Variants in MFAP1 observed in about 807,000 individuals in gnomAD.
MFAP1 encodes microfibrillar-associated protein 1.
Under a neutral mutation model 62.2 loss-of-function variants are expected in MFAP1, and 18 were observed. The ratio of observed to expected loss-of-function variants is 0.29; its 90% CI spans 0.20 to 0.43. The LOEUF is 0.43. MFAP1 is among the 20% of genes least tolerant of loss of function. The pLI is 1.00. For synonymous variants in MFAP1, 175 were observed against 180.4 expected (o/e 0.97, Z 0.24); for missense variants, 355 against 559.7 (o/e 0.63, Z 3.69).
chr15:43,824,549 G>T lies in MFAP1; in HGVS notation c.21C>A (p.Leu7=). Residue 7 remains leucine (L), a synonymous_variant, in exon 1 of 9, where the codon CTC becomes CTA. Transcript: ENST00000267812. ...TAGACTGAATGGGCGGTTGCTTCAT[G>T]AGAGCGCTTGGGACCGACATGTTGA... MSVPSA[L]MKQPPIQSTA... The T allele has an allele frequency of 6.2e-7, 1 of 1,614,216 alleles. No homozygotes were observed. Among genetic ancestry groups the T allele is most frequent in the Non-Finnish European group, 8.5e-7 (1 of 1,180,046 alleles).
At chr15:43,805,322 C>T (rs1161616141) in intron 8 of MFAP1, 46 bp from the exon 9 acceptor site, 4 of 1,600,728 alleles carry the variant, frequency 2.5e-6, no homozygotes, top group Non-Finnish European at 2.6e-6. Context: ...ACAAACCATG[C>T]CTCAGCTATC....
chr15:43,822,625 C>T (rs907300980), intron 1 of MFAP1, among the ~76,000 whole-genome samples: 3 of 152,096 alleles, frequency 2.0e-5, no homozygotes, highest in South Asian at 2.1e-4. Flanking sequence ...CCACCCATCT[C>T]GGCCTCCCAA....
At chr15:43,820,298 C>G (rs1289866726) in intron 1 of MFAP1, among the ~76,000 whole-genome samples, 1 of 152,122 alleles carries the variant, frequency 6.6e-6, no homozygotes, top group Non-Finnish European at 1.5e-5. Context: ...GCCTAGGCGA[C>G]AGGGTAAGAC....
rs2087488576 is a variant in MFAP1 at position 43,824,681 on chromosome 15, C to A, written c.-112G>T. ...CCACCTGAGTCCGCGAACACAGCTG[C>A]GCGACTGATAGAGAAACTACTTACG... On this transcript the variant is annotated 5_prime_UTR_variant, in exon 1 of 9. Coordinates refer to ENST00000267812, the MANE Select transcript of MFAP1 (RefSeq NM_005926.3). The A allele has an allele frequency of 1.7e-5, 18 of 1,056,188 alleles. No homozygotes were observed. In the South Asian group the frequency reaches 2.1e-4, roughly 12 times the overall value. 65.4% of individuals were successfully genotyped at this position (1,056,188 alleles called of 1,614,324 possible). A position where few individuals can be genotyped will look rare whatever the true frequency, so the allele number is the denominator to read the frequency against.
intron 1 of MFAP1, among the ~76,000 whole-genome samples, chr15:43,817,743 C>T (rs2087442971): frequency 1.3e-5 from 2 of 152,186 alleles, no homozygotes; most frequent in South Asian, 4.1e-4. Flanking sequence ...CCCAAAAAGG[C>T]AGACTGCATC....
intron 2 of MFAP1, among the ~76,000 whole-genome samples, chr15:43,815,398 G>A (rs1192655734): frequency 6.6e-6 from 1 of 151,990 alleles, no homozygotes; most frequent in Non-Finnish European, 1.5e-5. Context: ...GGCTGGTCTT[G>A]AACTCCTGGA....
At chr15:43,805,945 CCTTT>C (rs1326256756) in intron 7 of MFAP1, among the ~76,000 whole-genome samples, 12 of 148,176 alleles carry the variant, frequency 8.1e-5, no homozygotes, top group Non-Finnish European at 1.5e-4. Flanking sequence ...TTGTATTTCT[CCTTT>C]TTTTTTTTTT....
intron 2 of MFAP1, 39 bp downstream of exon 2, chr15:43,817,190 A>T (rs1298728913): frequency 1.2e-5 from 18 of 1,554,908 alleles, no homozygotes; most frequent in Non-Finnish European, 1.6e-5. Flanking sequence ...ATTAAGCTGT[A>T]GAGGTTCATG....
intron 2 of MFAP1, among the ~76,000 whole-genome samples, chr15:43,815,798 T>A (rs890751583): frequency 1.3e-5 from 2 of 152,020 alleles, no homozygotes; most frequent in African/African-American, 4.8e-5. Flanking sequence ...CACACCCAGC[T>A]AATTTTTTTA....
intron 6 of MFAP1, among the ~76,000 whole-genome samples, chr15:43,810,515 C>T (rs1431992723): frequency 6.6e-6 from 1 of 150,558 alleles, no homozygotes; most frequent in East Asian, 2.0e-4. Context: ...TACAGGTGCC[C>T]GCCACCATGC....
rs1056007604 is a variant in MFAP1, at chr15:43,809,612, T to C, written c.1047+143A>G. On this transcript the variant is annotated intron_variant, in intron 7 of 8. Transcript: ENST00000267812. ...CTGATGCTTTTCTCTGAGTTTATAT[T>C]GTTCAGAAGGAAAAAGCAAATGAGA... 4.2e-6 allele frequency: 4 copies of C among 949,594 alleles called. No individual in the cohort carries two copies. In the East Asian group the frequency reaches 9.8e-5, roughly 23 times the overall value. 58.8% of individuals were successfully genotyped at this position (949,594 alleles called of 1,614,324 possible). A position where few individuals can be genotyped will look rare whatever the true frequency, so the allele number is the denominator to read the frequency against.
At position 43,805,247 on chromosome 15, in the gene MFAP1, G is replaced by T. The variant is rs759939911; in HGVS notation, c.1167C>A (p.Thr389=). The change falls in exon 9 of 9, where the codon ACC becomes ACA. Residue 389 remains threonine, a synonymous_variant. Coordinates refer to ENST00000267812, the MANE Select transcript of MFAP1 (RefSeq NM_005926.3). ...QVKNFGRSGR[T]KYTHLVDQDT... The stretch of plus-strand genomic sequence containing the variant: ...CTTGATCCACAAGGTGAGTGTATTT[G>T]GTGCGACCTGAGCGTCCAAAGTTCT... The T allele has an allele frequency of 6.3e-7, 1 of 1,598,450 alleles. No individual in the cohort carries two copies. The highest frequency in any genetic ancestry group is 8.6e-7 in the Non-Finnish European group (1 of 1,167,210).
intron 2 of MFAP1, among the ~76,000 whole-genome samples, chr15:43,815,782 C>T (rs1016578584): frequency 2.6e-5 from 4 of 151,818 alleles, no homozygotes; most frequent in Non-Finnish European, 5.9e-5. Flanking sequence ...TACAGGCATG[C>T]ACCACCACAC....
chr15:43,816,238 CTT>C (rs2087432986), intron 2 of MFAP1, among the ~76,000 whole-genome samples: 7 of 137,746 alleles, frequency 5.1e-5, no homozygotes, highest in Admixed American at 1.6e-4. Flanking sequence ...ATTTTTTTTT[CTT>C]TTTTCTTTTC....
At chr15:43,806,041 T>G (rs559934213) in intron 7 of MFAP1, among the ~76,000 whole-genome samples, 27 of 151,394 alleles carry the variant, frequency 1.8e-4, no homozygotes, top group South Asian at 6.3e-4. Context: ...CACTGAAGCC[T>G]TGACCTCCCA....
At chr15:43,807,208 G>C (rs929481076) in intron 7 of MFAP1, among the ~76,000 whole-genome samples, 1 of 151,504 alleles carries the variant, frequency 6.6e-6, no homozygotes, top group Non-Finnish European at 1.5e-5. Context: ...AAAACTAGTT[G>C]GGCGTGGTGG....
Position 43,819,632 on chromosome 15 carries a change from G to A in MFAP1, c.80-2184C>T, listed in dbSNP as rs1304420375. The stretch of plus-strand genomic sequence containing the variant: ...TGCAACCTCCGCCCCCTGGGTTCAA[G>A]CAATTCTCCCTGCCTCAGGCTCCTG... On this transcript the variant is annotated intron_variant, in intron 1 of 8. Transcript: ENST00000267812. Among the ~76,000 whole-genome samples the A allele has an allele frequency of 4.6e-5, 7 of 152,266 alleles. No individual in the cohort carries two copies. In the South Asian group the frequency reaches 6.2e-4, roughly 14 times the overall value.
chr15:43,813,842 G>A (rs969166824), intron 4 of MFAP1, among the ~76,000 whole-genome samples: 7 of 152,040 alleles, frequency 4.6e-5, no homozygotes, highest in Non-Finnish European at 1.0e-4. Context: ...CTAAAATCAT[G>A]TTCATCTTTG....
intron 7 of MFAP1, among the ~76,000 whole-genome samples, chr15:43,806,782 G>A (rs1282340450): frequency 6.6e-6 from 1 of 152,190 alleles, no homozygotes; most frequent in Non-Finnish European, 1.5e-5. Flanking sequence ...CAAGGCAGGA[G>A]AATCACTTGA....
Sources: gnomAD v4.1 joint callset for allele counts (sites outside exome capture counted in the v4.1 genomes callset) on GRCh38, gnomAD v4.1.1 for gene constraint, MANE v1.5 for transcripts, NCBI Gene and HGNC (gene_info 2026-07-23, HGNC 2026-07-21) for gene names.